NRXN1: variants seen among roughly 807,000 people sequenced by gnomAD.
The protein encoded by NRXN1 is neurexin 1.
Under a neutral mutation model 150.9 loss-of-function variants are expected in NRXN1, and 39 were observed. The observed-to-expected ratio is 0.26, with a 90% CI of 0.20 to 0.34. The LOEUF is 0.34. NRXN1 is among the 10% of genes least tolerant of loss of function. The pLI, the probability that NRXN1 is intolerant of heterozygous loss-of-function variation, is 1.00. For synonymous variants in NRXN1, 924 were observed against 757.0 expected, an observed-to-expected ratio of 1.22 and a Z score of -3.62; for missense variants, 1,815 against 1,949.9, an observed-to-expected ratio of 0.93 and a Z score of 1.30.
intron 17 of NRXN1, among the ~76,000 whole-genome samples, chr2:50,290,342 G>T (rs576626844): frequency 5.9e-5 from 9 of 152,254 alleles, no homozygotes; most frequent in Non-Finnish European, 1.0e-4. Flanking sequence ...AATTGGGTTT[G>T]CTTTGCATGA....
intron 21 of NRXN1, among the ~76,000 whole-genome samples, chr2:50,003,173 G>C (rs975054978): frequency 1.3e-5 from 2 of 152,072 alleles, no homozygotes; most frequent in African/African-American, 4.8e-5. Context: ...ATATGGAATA[G>C]GGTCCATATA....
intron 18 of NRXN1, among the ~76,000 whole-genome samples, chr2:50,194,504 A>AC (rs1020882231): frequency 5.9e-5 from 9 of 151,898 alleles, no homozygotes; most frequent in Non-Finnish European, 8.8e-5. Context: ...AAAGTTCTTT[A>AC]CCCCCCCGAT....
intron 18 of NRXN1, among the ~76,000 whole-genome samples, chr2:50,234,947 T>C (rs1391909870): frequency 1.3e-5 from 2 of 152,090 alleles, no homozygotes; most frequent in Non-Finnish European, 2.9e-5. Flanking sequence ...AGACCACATT[T>C]GACCAGAATT....
intron 17 of NRXN1, among the ~76,000 whole-genome samples, chr2:50,348,497 T>C (rs1417987793): frequency 4.6e-5 from 7 of 152,338 alleles, no homozygotes; most frequent in Middle Eastern, 3.4e-3. Flanking sequence ...CCCGCTGTGA[T>C]GATCTTTGCT....
chr2:49,971,750 A>T (rs1449110510), intron 21 of NRXN1, among the ~76,000 whole-genome samples: 2 of 152,198 alleles, frequency 1.3e-5, no homozygotes, highest in Non-Finnish European at 2.9e-5. Flanking sequence ...AATATGAAGG[A>T]AATTGCAGCA....
At chr2:50,401,878 C>G (rs995643332) in intron 17 of NRXN1, among the ~76,000 whole-genome samples, 1 of 152,090 alleles carries the variant, frequency 6.6e-6, no homozygotes, top group African/African-American at 2.4e-5. Context: ...ATCATGCAAA[C>G]CAGCCAGCCT....
At chr2:50,726,351 A>G (rs1202745820) in intron 5 of NRXN1, among the ~76,000 whole-genome samples, 1 of 152,224 alleles carries the variant, frequency 6.6e-6, no homozygotes. Context: ...TATGGAAATA[A>G]TAGTAATAAC....
At chr2:50,890,916 C>T (rs1017725028) in intron 5 of NRXN1, among the ~76,000 whole-genome samples, 10 of 151,754 alleles carry the variant, frequency 6.6e-5, no homozygotes, top group Non-Finnish European at 1.2e-4. Flanking sequence ...TTTACTTCAA[C>T]GTAAAGAATA....
rs937102352 is a variant in NRXN1 at position 49,974,209 on chromosome 2, T to C, written c.4129-30418A>G. 7.6e-5 allele frequency: 53 copies of C among 697,424 alleles called. No homozygotes were observed. The Admixed American group carries it at 9.5e-4, about 13-fold the overall frequency. The allele number at this position is 697,424 out of a possible 1,614,324, so 43.2% of individuals were successfully genotyped here. A position where few individuals can be genotyped will look rare whatever the true frequency, so the allele number is the denominator to read the frequency against. Reference sequence around the variant, plus strand: ...GCGAGAAAAGACACAGAAAACGCTCTGTCAGTCACGTGTCACTGAGGAGCC... The same window carrying C: ...GCGAGAAAAGACACAGAAAACGCTCCGTCAGTCACGTGTCACTGAGGAGCC... On this transcript the variant is annotated intron_variant, in intron 21 of 22. Transcript: ENST00000401669.
chr2:50,467,881 T>C (rs184940888), intron 16 of NRXN1, among the ~76,000 whole-genome samples: 164 of 151,616 alleles, frequency 1.1e-3, no homozygotes, highest in Non-Finnish European at 7.7e-4. Context: ...TTCTTTGTAG[T>C]AAAGAAATAA....
At chr2:50,034,141 A>G (rs926036588) in intron 21 of NRXN1, among the ~76,000 whole-genome samples, 2 of 152,026 alleles carry the variant, frequency 1.3e-5, no homozygotes, top group Non-Finnish European at 2.9e-5. Context: ...CCCATTACTG[A>G]GTATATACCC....
At chr2:50,740,010 T>C (rs905897466) in intron 5 of NRXN1, among the ~76,000 whole-genome samples, 1 of 152,200 alleles carries the variant, frequency 6.6e-6, no homozygotes, top group Non-Finnish European at 1.5e-5. Flanking sequence ...AGCCTTTATA[T>C]CACTTCTACT....
chr2:50,804,097 A>T (rs1323455920), intron 5 of NRXN1, among the ~76,000 whole-genome samples: 6 of 152,180 alleles, frequency 3.9e-5, no homozygotes, highest in Non-Finnish European at 8.8e-5. Context: ...ATTTTTTCCA[A>T]TTCTTACCCC....
chr2:49,935,365 T>A (rs1670852049), intron 22 of NRXN1, among the ~76,000 whole-genome samples: 1 of 152,210 alleles, frequency 6.6e-6, no homozygotes, highest in African/African-American at 2.4e-5. Context: ...ACAACGTCAG[T>A]ATTTTTCTTT....
intron 5 of NRXN1, among the ~76,000 whole-genome samples, chr2:50,702,998 G>A (rs1393919607): frequency 1.3e-5 from 2 of 152,038 alleles, no homozygotes; most frequent in Non-Finnish European, 2.9e-5. Context: ...TCCAGTGAGA[G>A]AAAAGTAACA....
chr2:50,383,468 T>A (rs2081112653), intron 17 of NRXN1, among the ~76,000 whole-genome samples: 1 of 152,174 alleles, frequency 6.6e-6, no homozygotes, highest in African/African-American at 2.4e-5. Flanking sequence ...TCTTTTAAAG[T>A]TTTATTTTTA....
At chr2:50,292,415 A>G (rs1163233500) in intron 17 of NRXN1, among the ~76,000 whole-genome samples, 1 of 152,158 alleles carries the variant, frequency 6.6e-6, no homozygotes, top group Non-Finnish European at 1.5e-5. Flanking sequence ...ATTTGAAAGT[A>G]CTATCAGTCA....
chr2:50,070,513 G>A (rs557289562), intron 19 of NRXN1, among the ~76,000 whole-genome samples: 4 of 152,080 alleles, frequency 2.6e-5, no homozygotes, highest in South Asian at 2.1e-4. Flanking sequence ...GCTCACGCCT[G>A]TAATCCCAGC....
chr2:50,667,606 T>G (rs1417413526), intron 5 of NRXN1, among the ~76,000 whole-genome samples: 1 of 151,982 alleles, frequency 6.6e-6, no homozygotes, highest in East Asian at 1.9e-4. Context: ...ATCTGAACTC[T>G]GAGTTTTCTC....
Sources: gnomAD v4.1 joint callset for allele counts (sites outside exome capture counted in the v4.1 genomes callset) on GRCh38, gnomAD v4.1.1 for gene constraint, MANE v1.5 for transcripts, NCBI Gene and HGNC (gene_info 2026-07-23, HGNC 2026-07-21) for gene names.